SGCZ: variants seen among roughly 807,000 people sequenced by gnomAD.
SGCZ encodes zeta-sarcoglycan.
Under a neutral mutation model 41.3 loss-of-function variants are expected in SGCZ, and 40 were observed. That is an observed-to-expected ratio of 0.97 (90% CI 0.75 to 1.26). SGCZ has a LOEUF of 1.26. SGCZ is among the 50% of genes most tolerant of loss of function. The pLI, the probability that SGCZ is intolerant of heterozygous loss-of-function variation, is 0.00. For missense variants in SGCZ, 552 were observed against 369.8 expected, an observed-to-expected ratio of 1.49 and a Z score of -4.04; for synonymous variants, 206 against 137.5, an observed-to-expected ratio of 1.50 and a Z score of -3.49.
At chr8:14,198,813 A>C (rs1805361920) in intron 4 of SGCZ, among the ~76,000 whole-genome samples, 1 of 152,180 alleles carries the variant, frequency 6.6e-6, no homozygotes, top group African/African-American at 2.4e-5. Flanking sequence ...GCCTGTCTTT[A>C]CTGCAATCTC....
intron 1 of SGCZ, among the ~76,000 whole-genome samples, chr8:15,078,711 G>GTATA (rs956024644): frequency 6.7e-6 from 1 of 149,250 alleles, no homozygotes; most frequent in African/African-American, 2.5e-5. Flanking sequence ...GCATGTGTGT[G>GTATA]TATATATATA....
At chr8:14,602,150 TA>T (rs1291786014) in intron 1 of SGCZ, among the ~76,000 whole-genome samples, 1 of 151,642 alleles carries the variant, frequency 6.6e-6, no homozygotes, top group Non-Finnish European at 1.5e-5. Flanking sequence ...TAAAATAAAA[TA>T]AAAAAGTATG....
intron 5 of SGCZ, among the ~76,000 whole-genome samples, chr8:14,119,397 T>C (rs1802623535): frequency 6.6e-6 from 1 of 152,194 alleles, no homozygotes; most frequent in South Asian, 2.1e-4. Flanking sequence ...CTTGTGATTT[T>C]TGCACATAGA....
chr8:14,912,677 G>C (rs1014473856), intron 1 of SGCZ, among the ~76,000 whole-genome samples: 8 of 152,046 alleles, frequency 5.3e-5, no homozygotes, highest in African/African-American at 1.9e-4. Flanking sequence ...CACCTGTGAA[G>C]GCCAAAATAA....
chr8:15,010,649 G>T (rs530095172), intron 1 of SGCZ, among the ~76,000 whole-genome samples: 1 of 152,140 alleles, frequency 6.6e-6, no homozygotes. Flanking sequence ...CCTGATGATG[G>T]TTCGTGTACT....
chr8:14,805,653 C>T (rs1168338831), intron 1 of SGCZ, among the ~76,000 whole-genome samples: 1 of 150,408 alleles, frequency 6.6e-6, no homozygotes, highest in Non-Finnish European at 1.5e-5. Flanking sequence ...ACCCCACTGT[C>T]AACATTAGAC....
chr8:14,662,956 C>T (rs1464503443), intron 1 of SGCZ, among the ~76,000 whole-genome samples: 3 of 152,070 alleles, frequency 2.0e-5, no homozygotes, highest in East Asian at 3.9e-4. Flanking sequence ...GCAAGAAAAC[C>T]GGAATCTCAG....
At chr8:14,198,319 T>C (rs1805341068) in intron 4 of SGCZ, among the ~76,000 whole-genome samples, 1 of 152,150 alleles carries the variant, frequency 6.6e-6, no homozygotes, top group South Asian at 2.1e-4. Flanking sequence ...GTAACCCTTA[T>C]TATACTCCAT....
chr8:14,862,086 T>C (rs2130681668), intron 1 of SGCZ, among the ~76,000 whole-genome samples: 1 of 152,278 alleles, frequency 6.6e-6, no homozygotes, highest in Non-Finnish European at 1.5e-5. Context: ...CAAAATAGTA[T>C]TTCCTATCAC....
intron 1 of SGCZ, among the ~76,000 whole-genome samples, chr8:15,087,624 C>T (rs939595720): frequency 3.3e-5 from 5 of 151,780 alleles, no homozygotes; most frequent in African/African-American, 9.7e-5. Context: ...AAGAGCTTGT[C>T]GAAAAAAATG....
intron 1 of SGCZ, among the ~76,000 whole-genome samples, chr8:14,647,249 T>C (rs79323863): frequency 0.11 from 16,750 of 152,034 alleles, 1,093 homozygotes; most frequent in African/African-American, 0.19. Flanking sequence ...CCTTCAGCAT[T>C]TACCTTCTGT....
chr8:14,927,580 T>G (rs1799796532), intron 1 of SGCZ, among the ~76,000 whole-genome samples: 1 of 151,780 alleles, frequency 6.6e-6, no homozygotes. Flanking sequence ...AGAGAATTTT[T>G]AAAAAGAGAA....
At chr8:14,157,365 A>AGT (rs1276673001) in intron 5 of SGCZ, among the ~76,000 whole-genome samples, 1,725 of 89,376 alleles carry the variant, frequency 0.019, 35 homozygotes, top group African/African-American at 0.056. Context: ...TGTGTGTGTG[A>AGT]GTGTGTGTGT....
intron 1 of SGCZ, among the ~76,000 whole-genome samples, chr8:14,911,562 A>C (rs1394224650): frequency 1.3e-5 from 2 of 152,070 alleles, no homozygotes; most frequent in African/African-American, 4.8e-5. Context: ...TTTTATAAAA[A>C]TAAAATTTCA....
At chr8:14,547,901 A>G (rs1187393799) in intron 2 of SGCZ, among the ~76,000 whole-genome samples, 1 of 152,152 alleles carries the variant, frequency 6.6e-6, no homozygotes, top group East Asian at 1.9e-4. Context: ...TTTATTTGTT[A>G]ATGCATATTT....
intron 1 of SGCZ, among the ~76,000 whole-genome samples, chr8:14,884,853 G>A (rs1414011775): frequency 6.6e-6 from 1 of 152,010 alleles, no homozygotes; most frequent in East Asian, 1.9e-4. Context: ...CAATCCTCCA[G>A]TCCTTCTGGT....
At chr8:14,153,541 G>A (rs911786545) in intron 5 of SGCZ, among the ~76,000 whole-genome samples, 1 of 152,230 alleles carries the variant, frequency 6.6e-6, no homozygotes, top group Non-Finnish European at 1.5e-5. Context: ...AACAAAGAGA[G>A]AAATAAAATG....
intron 2 of SGCZ, among the ~76,000 whole-genome samples, chr8:14,359,355 A>C (rs1803420173): frequency 6.6e-6 from 1 of 152,110 alleles, no homozygotes; most frequent in Non-Finnish European, 1.5e-5. Flanking sequence ...TACTGTACTT[A>C]ATCCACACTA....
chr8:14,478,434 A>T (rs896713244), intron 2 of SGCZ, among the ~76,000 whole-genome samples: 3 of 152,236 alleles, frequency 2.0e-5, no homozygotes, highest in African/African-American at 7.2e-5. Context: ...CAATCAGAAA[A>T]TGCTACATAC....
Sources: gnomAD v4.1 joint callset for allele counts (sites outside exome capture counted in the v4.1 genomes callset) on GRCh38, gnomAD v4.1.1 for gene constraint, MANE v1.5 for transcripts, NCBI Gene and HGNC (gene_info 2026-07-23, HGNC 2026-07-21) for gene names.